Variants in RPS6KC1 observed in about 807,000 individuals in gnomAD.
RPS6KC1 encodes ribosomal protein S6 kinase C1, also known as inactive ribosomal protein S6 kinase delta-1.
RPS6KC1 carries 54 observed loss-of-function variants against 103.8 expected under a neutral mutation model. The ratio of observed to expected loss-of-function variants is 0.52; its 90% CI spans 0.42 to 0.65. The LOEUF (loss-of-function observed/expected upper bound fraction) is 0.65. Ranked by LOEUF, RPS6KC1 falls within the 30% of genes least tolerant of loss-of-function variation. The pLI is 0.00. For missense variants in RPS6KC1, 1,151 were observed against 1,253.8 expected, an observed-to-expected ratio of 0.92 and a Z score of 1.24; for synonymous variants, 439 against 438.7, an observed-to-expected ratio of 1.00 and a Z score of -0.01.
intron 5 of RPS6KC1, among the ~76,000 whole-genome samples, chr1:213,127,906 C>G (rs757550768): frequency 1.3e-5 from 2 of 152,136 alleles, no homozygotes; most frequent in Non-Finnish European, 2.9e-5. Flanking sequence ...GTTATAAATT[C>G]ATGCACAGAT....
At chr1:213,138,370 A>AT (rs561357446) in intron 6 of RPS6KC1, among the ~76,000 whole-genome samples, 106 of 151,612 alleles carry the variant, frequency 7.0e-4, no homozygotes, top group African/African-American at 2.3e-3. Context: ...CACAACTTTC[A>AT]TTTTAGGTTC....
chr1:213,671,446 A>T, the RPS6KC1 span, among the ~76,000 whole-genome samples: 2 of 152,112 alleles, frequency 1.3e-5, no homozygotes, highest in African/African-American at 4.8e-5. Context: ...AGTTTTGGTG[A>T]TTTATTTCAC....
At chr1:213,151,239 C>A (rs2088805073) in intron 6 of RPS6KC1, among the ~76,000 whole-genome samples, 1 of 130,650 alleles carries the variant, frequency 7.7e-6, no homozygotes. Context: ...CACCTCCCTC[C>A]CGGACGGGGC....
the RPS6KC1 span, among the ~76,000 whole-genome samples, chr1:213,823,365 C>G: frequency 6.6e-6 from 1 of 152,176 alleles, no homozygotes; most frequent in Admixed American, 6.5e-5. Flanking sequence ...TTTCCTAGTG[C>G]CTGGCACACG....
At chr1:213,572,791 A>G in the RPS6KC1 span, among the ~76,000 whole-genome samples, 36 of 152,328 alleles carry the variant, frequency 2.4e-4, no homozygotes, top group African/African-American at 8.4e-4. Context: ...ATTTCTTCAT[A>G]AAGAGATAAA....
chr1:213,542,694 A>G, the RPS6KC1 span, among the ~76,000 whole-genome samples: 1 of 152,240 alleles, frequency 6.6e-6, no homozygotes. Context: ...CTTGAGAGCA[A>G]CAGGGCAAGC....
chr1:213,244,848 G>A (rs1351981352), intron 12 of RPS6KC1, among the ~76,000 whole-genome samples: 1 of 152,174 alleles, frequency 6.6e-6, no homozygotes, highest in African/African-American at 2.4e-5. Flanking sequence ...GAAAAAAGCT[G>A]TAGTCTGAAG....
At chr1:213,552,893 T>C in the RPS6KC1 span, among the ~76,000 whole-genome samples, 1 of 152,318 alleles carries the variant, frequency 6.6e-6, no homozygotes, top group African/African-American at 2.4e-5. Context: ...CCTTCTACCT[T>C]CAAGCACTAC....
intron 3 of RPS6KC1, among the ~76,000 whole-genome samples, chr1:213,087,414 A>G (rs1367569324): frequency 1.3e-5 from 2 of 152,184 alleles, no homozygotes; most frequent in South Asian, 2.1e-4. Flanking sequence ...GGGCTCTTAC[A>G]GTGATAATTA....
chr1:213,349,922 T>C, the RPS6KC1 span, among the ~76,000 whole-genome samples: 1 of 152,184 alleles, frequency 6.6e-6, no homozygotes, highest in Non-Finnish European at 1.5e-5. Flanking sequence ...TCAACATTTA[T>C]GCTGTGTGTC....
the RPS6KC1 span, among the ~76,000 whole-genome samples, chr1:213,608,786 C>T: frequency 1.3e-5 from 2 of 152,174 alleles, no homozygotes; most frequent in African/African-American, 4.8e-5. Context: ...TTGTAACTTG[C>T]TGTCTAATTA....
chr1:213,318,615 T>C, the RPS6KC1 span, among the ~76,000 whole-genome samples: 23 of 152,338 alleles, frequency 1.5e-4, no homozygotes, highest in African/African-American at 5.3e-4. Flanking sequence ...AATGGACTTA[T>C]AGTTCCTTAT....
intron 4 of RPS6KC1, among the ~76,000 whole-genome samples, chr1:213,115,398 T>C (rs1395923907): frequency 6.6e-6 from 1 of 152,196 alleles, no homozygotes; most frequent in Non-Finnish European, 1.5e-5. Context: ...TCGGTGGTGA[T>C]ATCCCCTTTA....
At chr1:213,166,102 C>G (rs1449467469) in intron 6 of RPS6KC1, among the ~76,000 whole-genome samples, 1 of 150,302 alleles carries the variant, frequency 6.7e-6, no homozygotes, top group East Asian at 1.9e-4. Context: ...CTTGACATTT[C>G]GAATTCCAAA....
At chr1:213,804,710 G>A in the RPS6KC1 span, among the ~76,000 whole-genome samples, 19 of 152,256 alleles carry the variant, frequency 1.2e-4, no homozygotes, top group East Asian at 1.7e-3. Flanking sequence ...ATCTTACTCC[G>A]TTTTATTTGC....
chr1:213,778,106 AG>A, the RPS6KC1 span, among the ~76,000 whole-genome samples: 7 of 152,338 alleles, frequency 4.6e-5, no homozygotes, highest in South Asian at 1.5e-3. Context: ...CTCCCCTCAG[AG>A]GACCAGTGTA....
the RPS6KC1 span, among the ~76,000 whole-genome samples, chr1:213,587,561 G>A: frequency 2.0e-5 from 3 of 152,186 alleles, no homozygotes; most frequent in South Asian, 6.2e-4. Flanking sequence ...GATATTGTAG[G>A]CATTGGAGTG....
the RPS6KC1 span, among the ~76,000 whole-genome samples, chr1:213,714,842 G>A: frequency 2.0e-5 from 3 of 152,228 alleles, no homozygotes; most frequent in African/African-American, 7.2e-5. Flanking sequence ...CAACAGTGCA[G>A]CCATTCACAG....
At chr1:213,194,386 C>T (rs1045589764) in intron 8 of RPS6KC1, among the ~76,000 whole-genome samples, 5 of 151,968 alleles carry the variant, frequency 3.3e-5, no homozygotes, top group African/African-American at 1.2e-4. Context: ...TTTTTCCTTC[C>T]TTCCTGTATT....
Sources: allele counts gnomAD v4.1 joint callset (sites outside exome capture counted in the v4.1 genomes callset), GRCh38; gene constraint gnomAD v4.1.1; transcripts MANE v1.5; gene names NCBI Gene and HGNC (gene_info 2026-07-23, HGNC 2026-07-21).